ADGRL2: variants seen among roughly 807,000 people sequenced by gnomAD.
ADGRL2 encodes the protein adhesion G protein-coupled receptor L2.
In ADGRL2, 44 loss-of-function variants were observed where a neutral mutation model predicts 157.4. That is an observed-to-expected ratio of 0.28 (90% confidence interval 0.22 to 0.36). The LOEUF is 0.36. ADGRL2 is among the 10% of genes least tolerant of loss of function. ADGRL2 has a pLI of 1.00. For synonymous variants in ADGRL2, 585 were observed against 624.7 expected (o/e 0.94, Z 0.95); for missense variants, 1,510 against 1,768.9 (o/e 0.85, Z 2.63).
chr1:81,912,750 T>C (rs2094761682), intron 3 of ADGRL2, among the ~76,000 whole-genome samples: 1 of 152,150 alleles, frequency 6.6e-6, no homozygotes, highest in Admixed American at 6.5e-5. Context: ...TTGAATTTTC[T>C]TGATGATGAT....
At chr1:81,498,694 C>T (rs2078780157) in intron 2 of ADGRL2, among the ~76,000 whole-genome samples, 1 of 152,082 alleles carries the variant, frequency 6.6e-6, no homozygotes, top group Non-Finnish European at 1.5e-5. Flanking sequence ...TTATCTGTGA[C>T]TAGTGCTGTT....
At chr1:81,866,839 C>A (rs2093556163) in intron 2 of ADGRL2, among the ~76,000 whole-genome samples, 1 of 152,072 alleles carries the variant, frequency 6.6e-6, no homozygotes, top group Non-Finnish European at 1.5e-5. Context: ...AGAAACTAAT[C>A]TCTGATATTT....
intron 2 of ADGRL2, among the ~76,000 whole-genome samples, chr1:81,859,698 G>A (rs186842993): frequency 2.0e-5 from 3 of 152,120 alleles, no homozygotes; most frequent in Non-Finnish European, 2.9e-5. Flanking sequence ...ATGTGTCACC[G>A]TGCTTGGCCC....
At chr1:81,963,629 G>A (rs1656160337) in intron 11 of ADGRL2, among the ~76,000 whole-genome samples, 1 of 151,360 alleles carries the variant, frequency 6.6e-6, no homozygotes, top group Admixed American at 6.6e-5. Flanking sequence ...GTTGAAATTT[G>A]TTTCTGTGAA....
At chr1:81,348,094 C>A (rs1489780249) in intron 1 of ADGRL2, among the ~76,000 whole-genome samples, 1 of 152,146 alleles carries the variant, frequency 6.6e-6, no homozygotes, top group East Asian at 1.9e-4. Context: ...GTAGGGCCAC[C>A]CCACAGAGCT....
intron 2 of ADGRL2, among the ~76,000 whole-genome samples, chr1:81,560,917 C>T (rs2080425842): frequency 6.6e-6 from 1 of 152,220 alleles, no homozygotes; most frequent in African/African-American, 2.4e-5. Context: ...TCATTTTTGC[C>T]TTCTTGCTGT....
chr1:81,890,371 A>G (rs141815663), intron 2 of ADGRL2, among the ~76,000 whole-genome samples: 6 of 152,294 alleles, frequency 3.9e-5, no homozygotes, highest in African/African-American at 1.2e-4. Flanking sequence ...ATTTTCTACT[A>G]TAGCAGCTTG....
intron 2 of ADGRL2, among the ~76,000 whole-genome samples, chr1:81,508,525 G>A (rs183912455): frequency 2.0e-4 from 30 of 152,306 alleles, no homozygotes; most frequent in Admixed American, 1.4e-3. Context: ...TATTGCATGT[G>A]TCTCCTCTGC....
At chr1:81,377,450 G>T (rs2076269526) in intron 1 of ADGRL2, among the ~76,000 whole-genome samples, 1 of 151,902 alleles carries the variant, frequency 6.6e-6, no homozygotes, top group Non-Finnish European at 1.5e-5. Context: ...CTTAACTTTG[G>T]ACCTGTGTTG....
At chr1:81,346,378 C>T (rs1662481893) in intron 1 of ADGRL2, among the ~76,000 whole-genome samples, 1 of 152,118 alleles carries the variant, frequency 6.6e-6, no homozygotes, top group South Asian at 2.1e-4. Context: ...CCATCTTTAT[C>T]TCAAGAATAT....
chr1:81,888,800 T>G (rs1018329997), intron 2 of ADGRL2, among the ~76,000 whole-genome samples: 1 of 152,130 alleles, frequency 6.6e-6, no homozygotes, highest in Non-Finnish European at 1.5e-5. Flanking sequence ...TTCCCACAAG[T>G]CTTATCAGCA....
intron 1 of ADGRL2, among the ~76,000 whole-genome samples, chr1:81,748,594 T>C (rs1284948396): frequency 6.6e-6 from 1 of 152,000 alleles, no homozygotes; most frequent in Non-Finnish European, 1.5e-5. Context: ...AACATATTTA[T>C]CTGAAAAGTG....
At chr1:81,372,573 C>T (rs1041384294) in intron 1 of ADGRL2, among the ~76,000 whole-genome samples, 3 of 152,116 alleles carry the variant, frequency 2.0e-5, no homozygotes, top group Non-Finnish European at 4.4e-5. Flanking sequence ...TTTTTGGCTT[C>T]CTTTGCTTAT....
chr1:81,729,224 A>T (rs1393721875), intron 1 of ADGRL2, among the ~76,000 whole-genome samples: 1 of 151,908 alleles, frequency 6.6e-6, no homozygotes, highest in Admixed American at 6.6e-5. Context: ...TTTTAATTCT[A>T]TTGCTAAGCT....
At chr1:81,349,942 A>G (rs1662761230) in intron 1 of ADGRL2, among the ~76,000 whole-genome samples, 1 of 152,080 alleles carries the variant, frequency 6.6e-6, no homozygotes, top group South Asian at 2.1e-4. Flanking sequence ...AGCACTTTAC[A>G]ATCTTCTATT....
chr1:81,350,968 T>G (rs1273423319), intron 1 of ADGRL2, among the ~76,000 whole-genome samples: 1 of 152,166 alleles, frequency 6.6e-6, no homozygotes. Flanking sequence ...TTTTCATGAA[T>G]AAATGCAAAC....
At chr1:81,484,851 C>T (rs566085745) in intron 2 of ADGRL2, among the ~76,000 whole-genome samples, 3 of 152,094 alleles carry the variant, frequency 2.0e-5, no homozygotes, top group African/African-American at 4.8e-5. Flanking sequence ...CTCAGGTACC[C>T]TTCCCATAAA....
chr1:81,325,959 A>T (rs556429145), intron 1 of ADGRL2, among the ~76,000 whole-genome samples: 2 of 152,358 alleles, frequency 1.3e-5, no homozygotes, highest in South Asian at 4.1e-4. Context: ...CTTGCCAGCC[A>T]GAGCAATGAT....
intron 3 of ADGRL2, among the ~76,000 whole-genome samples, chr1:81,654,879 G>T (rs77588056): frequency 6.6e-6 from 1 of 152,176 alleles, no homozygotes; most frequent in Non-Finnish European, 1.5e-5. Context: ...AGGTCTGTCC[G>T]TTAATCTCTC....
Sources: gnomAD v4.1 joint callset for allele counts (sites outside exome capture counted in the v4.1 genomes callset) on GRCh38, gnomAD v4.1.1 for gene constraint, MANE v1.5 for transcripts, NCBI Gene and HGNC (gene_info 2026-07-23, HGNC 2026-07-21) for gene names.